Variants in GAPDHS observed in about 807,000 individuals in gnomAD.
The protein encoded by GAPDHS is glyceraldehyde-3-phosphate dehydrogenase, spermatogenic, also known as glyceraldehyde-3-phosphate dehydrogenase, testis-specific.
GAPDHS carries 42 observed loss-of-function variants against 48.7 expected under a neutral mutation model. The ratio of observed to expected loss-of-function variants is 0.86; its 90% confidence interval spans 0.67 to 1.12. The LOEUF is 1.12. Among genes scored for constraint, GAPDHS ranks in the 50% most tolerant of loss-of-function variants. The pLI is 0.00. For synonymous variants in GAPDHS, 166 were observed against 219.1 expected (o/e 0.76, Z 2.14); for missense variants, 512 against 557.7 (o/e 0.92, Z 0.82).
chr19:35,544,853 C>T, intron 9 of GAPDHS, 56 bp from the exon 10 acceptor site: 1 of 1,012,396 alleles, frequency 9.9e-7, no homozygotes, highest in Non-Finnish European at 1.6e-6. Context: ...GGGGCCTCAG[C>T]TCCTGGAGGT....
chr19:35,542,559 A>C lies in GAPDHS; in HGVS notation c.610A>C (p.Met204Leu). 2 of 1,613,866 alleles carry C rather than the reference A, an allele frequency of 1.2e-6. No homozygotes were observed. The highest frequency in any genetic ancestry group is 1.7e-6 in the Non-Finnish European group (2 of 1,179,748). The stretch of plus-strand genomic sequence containing the variant: ...CTCACCGGATGCACCAATGTTCGTC[A>C]TGGGTGTCAATGAAAATGACTATAA... ...APSPDAPMFV[M>L]GVNENDYNPG... The change falls in exon 6 of 11, where the codon ATG (methionine) becomes CTG (leucine). Residue 204 changes from methionine (M) to leucine (L), a missense_variant. Coordinates refer to ENST00000222286, the MANE Select transcript of GAPDHS (RefSeq NM_014364.5).
chr19:35,538,514 G>T, intron 3 of GAPDHS, 63 bp from the exon 4 acceptor site: 1 of 1,278,174 alleles, frequency 7.8e-7, no homozygotes, highest in Non-Finnish European at 1.1e-6. Context: ...TCACCAAAGA[G>T]GGGACTCTCT....
chr19:35,545,150 A>G lies in GAPDHS; in HGVS notation c.1207A>G (p.Met403Val). ...CCGGGTGGTCGACCTCCTCCGCTAC[A>G]TGTTCAGCCGAGACAAGTGAAACGG... is the stretch of plus-strand genomic sequence containing the variant. ...SHRVVDLLRY[M>V]FSRDK The change falls in exon 11 of 11, where the codon ATG becomes GTG. Residue 403 changes from methionine (M) to valine (V), a missense_variant. By Grantham distance (21) the Met-to-Val change is conservative. Coordinates refer to ENST00000222286, the MANE Select transcript of GAPDHS (RefSeq NM_014364.5). The G allele has an allele frequency of 6.2e-7, 1 of 1,613,834 alleles. No individual in the cohort carries two copies. Among genetic ancestry groups the G allele is most frequent in the Middle Eastern group, 1.6e-4 (1 of 6,062 alleles).
In GAPDHS at chr19:35,542,601, A is replaced by G. The variant is rs145964612; in HGVS notation, c.652A>G (p.Ile218Val). 2.5e-6 allele frequency: 4 copies of G among 1,601,470 alleles called. No homozygotes were observed. The highest frequency in any genetic ancestry group is 1.3e-5 in the African/African-American group (1 of 74,686). The change falls in exon 6 of 11, where the codon ATT (isoleucine) becomes GTT (valine). Residue 218 changes from isoleucine (I) to valine (V), a missense_variant. By Grantham distance (29) the Ile-to-Val change is conservative. Coordinates refer to ENST00000222286, the MANE Select transcript of GAPDHS (RefSeq NM_014364.5). The part of the protein sequence containing the change: ...ENDYNPGSMN[I>V]VSNASCTTNC... Reference sequence around the variant, plus strand: ...TGACTATAACCCTGGCTCCATGAACATTGTGAGGTAATGTGGGCAGTGACA... The same window carrying G: ...TGACTATAACCCTGGCTCCATGAACGTTGTGAGGTAATGTGGGCAGTGACA...
Position 35,543,018 on chromosome 19 carries a change from G to C in GAPDHS, c.733G>C (p.Gly245Arg). The C allele has an allele frequency of 6.2e-7, 1 of 1,612,110 alleles. No homozygotes were observed. Among genetic ancestry groups the C allele is most frequent in the East Asian group, 2.2e-5 (1 of 44,868 alleles). Residue 245 changes from glycine (G) to arginine (R), a missense_variant, in exon 7 of 11, where the codon GGG becomes CGG. By Grantham distance (125) the Gly-to-Arg change is moderately radical. Coordinates refer to ENST00000222286, the MANE Select transcript of GAPDHS (RefSeq NM_014364.5). ...VIHERFGIVEGLMTTVHSYTA... is the reference protein window; with the variant it reads ...VIHERFGIVERLMTTVHSYTA... The stretch of plus-strand genomic sequence containing the variant: ...CCACGAGCGATTTGGGATCGTGGAA[G>C]GGTTGATGGTGAGTTGAGGATGAGG...
intron 2 of GAPDHS, among the ~76,000 whole-genome samples, chr19:35,537,264 T>A (rs570106122): frequency 6.6e-6 from 1 of 152,280 alleles, no homozygotes; most frequent in Non-Finnish European, 1.5e-5. Context: ...GGGCAGCCTT[T>A]GCCAGTGATC....
At chr19:35,543,111 A>G (rs2071516853) in intron 7 of GAPDHS, 85 bp downstream of exon 7, 1 of 1,148,154 alleles carries the variant, frequency 8.7e-7, no homozygotes, top group Admixed American at 1.8e-5. Flanking sequence ...TATGGAGTTA[A>G]GAGGGAGAGA....
chr19:35,542,891 G>T, intron 6 of GAPDHS, 54 bp from the exon 7 acceptor site: 1 of 1,321,794 alleles, frequency 7.6e-7, no homozygotes, highest in South Asian at 1.2e-5. Flanking sequence ...TAAGGGTGGA[G>T]GGGTGGCTCT....
At chr19:35,539,176 C>T (rs2071485057) in intron 4 of GAPDHS, among the ~76,000 whole-genome samples, 1 of 152,214 alleles carries the variant, frequency 6.6e-6, no homozygotes, top group South Asian at 2.1e-4. Flanking sequence ...GGATTACAGG[C>T]AGGAGCCACT....
intron 2 of GAPDHS, among the ~76,000 whole-genome samples, chr19:35,537,867 G>A (rs2071475700): frequency 1.3e-5 from 2 of 152,220 alleles, no homozygotes; most frequent in Non-Finnish European, 2.9e-5. Flanking sequence ...CTTGAGGTCA[G>A]GAGTTCGAGA....
intron 2 of GAPDHS, 58 bp from the exon 3 acceptor site, chr19:35,538,249 G>A (rs2071478354): frequency 8.3e-7 from 1 of 1,210,230 alleles, no homozygotes; most frequent in Admixed American, 1.9e-5. Flanking sequence ...GCTCCTTGAG[G>A]GAGCCTCCTC....
chr19:35,541,124 GA>G (rs747804438), intron 4 of GAPDHS: 1 of 152,028 alleles, frequency 6.6e-6, no homozygotes, highest in Non-Finnish European at 1.5e-5. Context: ...CAGCCTGAGT[GA>G]CAGAGTGAGA....
chr19:35,533,711 AC>A, intron 1 of GAPDHS, 117 bp downstream of exon 1: 1 of 718,968 alleles, frequency 1.4e-6, no homozygotes, highest in East Asian at 2.9e-5. Context: ...CCATCTAGGG[AC>A]CAGGGGATCA....
At position 35,543,421 on chromosome 19, in the gene GAPDHS, CA is replaced by C; in HGVS notation, c.824del (p.His275ProfsTer15). ...GGCCTGGCGAGATGGGCGGGGTGCCCACCAGAACATCATCCCAGCCTCCACT... is the reference window on the plus strand; with the variant it reads ...GGCCTGGCGAGATGGGCGGGGTGCCCCCAGAACATCATCCCAGCCTCCACT... ...RKAWRDGRGA[H>X]QNIIPASTGA... is the part of the protein sequence containing the mutation. On this transcript the variant is annotated frameshift_variant, in exon 8 of 11. Transcript: ENST00000222286. LOFTEE classifies it high-confidence loss of function. The C allele has an allele frequency of 6.2e-7, 1 of 1,610,640 alleles. No individual in the cohort carries two copies. The highest frequency in any genetic ancestry group is 8.5e-7 in the Non-Finnish European group (1 of 1,179,008).
At chr19:35,544,686 G>A in intron 9 of GAPDHS, 1 of 589,190 alleles carries the variant, frequency 1.7e-6, no homozygotes, top group Non-Finnish European at 3.0e-6. Flanking sequence ...GGTACAGCAT[G>A]AGGGTGTTTG....
chr19:35,543,000 C>T lies in GAPDHS; in HGVS notation c.715C>T (p.Arg239Ter), dbSNP rs139205650. ...TCCCCTCGCCAAAGTCATCCACGAG[C>T]GATTTGGGATCGTGGAAGGGTTGAT... ...LAPLAKVIHERFGIVEGLMTT... is the reference protein window; with the variant it reads ...LAPLAKVIHE The change falls in exon 7 of 11, where the codon CGA becomes TGA. Residue 239 changes from arginine to a stop codon, truncating the protein, a stop_gained. Coordinates refer to ENST00000222286, the MANE Select transcript of GAPDHS (RefSeq NM_014364.5). LOFTEE classifies it high-confidence loss of function. The T allele has an allele frequency of 4.4e-5, 71 of 1,613,602 alleles. No homozygotes were observed. The highest frequency in any genetic ancestry group is 5.7e-5 in the Non-Finnish European group (67 of 1,179,680).
chr19:35,543,509 T>C lies in GAPDHS; in HGVS notation c.893+18T>C. 1.3e-6 allele frequency: 2 copies of C among 1,592,886 alleles called. No individual in the cohort carries two copies. Among genetic ancestry groups the C allele is most frequent in the African/African-American group, 1.4e-5 (1 of 73,768 alleles). On this transcript the variant is annotated intron_variant, in intron 8 of 10. Coordinates refer to ENST00000222286, the MANE Select transcript of GAPDHS (RefSeq NM_014364.5). ...CTCAAAGGGTATGAGGACAAGAAGC[T>C]GCAACCAGGGTGGGGGCATACGCCA...
At chr19:35,541,955 G>C (rs2071506093) in intron 4 of GAPDHS, 1 of 249,130 alleles carries the variant, frequency 4.0e-6, no homozygotes, top group African/African-American at 2.2e-5. Flanking sequence ...AGCCGGGCAG[G>C]CCTCACAGTC....
At chr19:35,540,514 A>C (rs547830304) in intron 4 of GAPDHS, among the ~76,000 whole-genome samples, 6 of 152,254 alleles carry the variant, frequency 3.9e-5, no homozygotes, top group Admixed American at 3.9e-4. Context: ...CAGATGATGG[A>C]AAGTGGACTG....
Sources: gnomAD v4.1 joint callset for allele counts (sites outside exome capture counted in the v4.1 genomes callset) on GRCh38, gnomAD v4.1.1 for gene constraint, MANE v1.5 for transcripts, NCBI Gene and HGNC (gene_info 2026-07-23, HGNC 2026-07-21) for gene names.